CMYA5: variants seen among roughly 807,000 people sequenced by gnomAD.
CMYA5 encodes the protein cardiomyopathy associated 5, also known as cardiomyopathy-associated protein 5.
In CMYA5, 246 loss-of-function variants were observed where a neutral mutation model predicts 318.9. That is an observed-to-expected ratio of 0.77 (90% confidence interval 0.70 to 0.86). The LOEUF is 0.86. Among genes scored for constraint, CMYA5 ranks in the 40% least tolerant of loss-of-function variants. The probability of loss-of-function intolerance (pLI) is 0.00; values close to 1 mark genes in which losing one functional copy is unlikely to be tolerated. For synonymous variants in CMYA5, 1,641 were observed against 1,729.5 expected, an observed-to-expected ratio of 0.95 and a Z score of 1.27; for missense variants, 4,589 against 4,678.2, an observed-to-expected ratio of 0.98 and a Z score of 0.56.
intron 2 of CMYA5, among the ~76,000 whole-genome samples, chr5:79,742,144 C>A (rs1439337859): frequency 6.8e-6 from 1 of 146,408 alleles, no homozygotes; most frequent in African/African-American, 2.5e-5. Context: ...CCCCTTCTTC[C>A]TCCCCCTCTT....
chr5:79,799,744 T>G lies in CMYA5; in HGVS notation c.*128T>G. 2 of 1,245,124 alleles carry G rather than the reference T, an allele frequency of 1.6e-6. No homozygotes were observed. Among genetic ancestry groups the G allele is most frequent in the Non-Finnish European group, 1.1e-6 (1 of 919,808 alleles). 77.1% of individuals were successfully genotyped at this position (1,245,124 alleles called of 1,614,324 possible). A position where few individuals can be genotyped will look rare whatever the true frequency, so the allele number is the denominator to read the frequency against. ...TTTGCACTAATGATGGCTGCATGCATAGCAATCAGCATGTGAGCAAAATCG... is the reference window on the plus strand; with the variant it reads ...TTTGCACTAATGATGGCTGCATGCAGAGCAATCAGCATGTGAGCAAAATCG... On this transcript the variant is annotated 3_prime_UTR_variant, in exon 13 of 13. Transcript: ENST00000446378.
chr5:79,740,859 A>AT (rs148919782), intron 2 of CMYA5, among the ~76,000 whole-genome samples: 1 of 151,970 alleles, frequency 6.6e-6, no homozygotes, highest in South Asian at 2.1e-4. Flanking sequence ...GCCATGCACT[A>AT]TTTTTTTGTT....
chr5:79,700,913 G>A (rs1289220401), intron 1 of CMYA5, among the ~76,000 whole-genome samples: 1 of 151,882 alleles, frequency 6.6e-6, no homozygotes, highest in East Asian at 1.9e-4. Flanking sequence ...AGGGTAGCAG[G>A]GAGGCAGGGA....
rs370037835 is a variant in CMYA5, at chr5:79,739,033, T to C, written c.10268T>C (p.Phe3423Ser). 17 of 1,613,740 alleles carry C rather than the reference T, an allele frequency of 1.1e-5. No homozygotes were observed. Among genetic ancestry groups the C allele is most frequent in the Non-Finnish European group, 1.4e-5 (17 of 1,179,848 alleles). Residue 3423 changes from phenylalanine (F) to serine (S), a missense_variant, in exon 2 of 13, where the codon TTT (phenylalanine) becomes TCT (serine). By Grantham distance (155) the Phe-to-Ser change is radical. Around this residue, in one of 3 missense-constraint regions of CMYA5, gnomAD observed 2,431 missense variants for 2,495.1 expected, o/e 0.97. Coordinates refer to ENST00000446378, the MANE Select transcript of CMYA5 (RefSeq NM_153610.5). Reference sequence around the variant, plus strand: ...AGCCCTGTTCAGGATGAGTATGAATTTACAGAATCCCTGCATAATGAAGTG... The same window carrying C: ...AGCCCTGTTCAGGATGAGTATGAATCTACAGAATCCCTGCATAATGAAGTG... ...RNSPVQDEYE[F>S]TESLHNEVVP...
rs768242479 is a variant in CMYA5, at chr5:79,729,270, C to T, written c.505C>T (p.Pro169Ser). Residue 169 changes from proline to serine, a missense_variant, in exon 2 of 13, where the codon CCT becomes TCT. Pro to Ser is a moderately conservative substitution (Grantham distance 74). Coordinates refer to ENST00000446378, the MANE Select transcript of CMYA5 (RefSeq NM_153610.5). Reference sequence around the variant, plus strand: ...TGTTCCAACAAACAAAAAAGGCAGTCCTTTAACTTCAGCAAGCCAGGTACT... The same window carrying T: ...TGTTCCAACAAACAAAAAAGGCAGTTCTTTAACTTCAGCAAGCCAGGTACT... ...QDVPTNKKGSPLTSASQVLTT... is the reference protein window; with the variant it reads ...QDVPTNKKGSSLTSASQVLTT... 6.2e-7 allele frequency: 1 copy of T among 1,611,008 alleles called. No homozygotes were observed. The highest frequency in any genetic ancestry group is 2.2e-5 in the East Asian group (1 of 44,856).
At chr5:79,708,937 G>A (rs2151077700) in intron 1 of CMYA5, among the ~76,000 whole-genome samples, 1 of 152,236 alleles carries the variant, frequency 6.6e-6, no homozygotes, top group Middle Eastern at 3.4e-3. Context: ...GCAAGACCCT[G>A]TCTCAATTTT....
chr5:79,713,937 G>T (rs1242632056), intron 1 of CMYA5, among the ~76,000 whole-genome samples: 2 of 141,504 alleles, frequency 1.4e-5, no homozygotes, highest in Non-Finnish European at 3.1e-5. Context: ...ACATGTCTTA[G>T]TCACTCAATG....
intron 1 of CMYA5, among the ~76,000 whole-genome samples, chr5:79,709,959 T>G (rs1211676343): frequency 1.8e-4 from 1 of 5,572 alleles, no homozygotes; most frequent in Non-Finnish European, 2.5e-4. Context: ...AGACTCCATC[T>G]CAAAAAAAAA....
Position 79,735,309 on chromosome 5 carries a change from A to T in CMYA5, c.6544A>T (p.Met2182Leu). The change falls in exon 2 of 13, where the codon ATG (methionine) becomes TTG (leucine). Residue 2182 changes from methionine to leucine, a missense_variant. By Grantham distance (15) the Met-to-Leu change is conservative (BLOSUM62 2). Coordinates refer to ENST00000446378, the MANE Select transcript of CMYA5 (RefSeq NM_153610.5). ...AGGAATTTCATCTTTCAAATCGTGG[A>T]TGTCCAGCTTGTTTTTTGGATCGAG... is the stretch of plus-strand genomic sequence containing the variant. ...KKGISSFKSW[M>L]SSLFFGSSTP... The T allele has an allele frequency of 1.2e-6, 2 of 1,613,872 alleles. No homozygotes were observed. Among genetic ancestry groups the T allele is most frequent in the Non-Finnish European group, 8.5e-7 (1 of 1,179,844 alleles).
intron 6 of CMYA5, among the ~76,000 whole-genome samples, chr5:79,754,503 C>A (rs1254727297): frequency 1.3e-5 from 2 of 152,122 alleles, no homozygotes; most frequent in Admixed American, 1.3e-4. Context: ...CAAGAAAACA[C>A]AGCCGGTTGG....
At chr5:79,728,665 CTT>C (rs1288214634) in intron 1 of CMYA5, among the ~76,000 whole-genome samples, 2 of 151,992 alleles carry the variant, frequency 1.3e-5, no homozygotes, top group Non-Finnish European at 2.9e-5. Context: ...GTAAATTTAA[CTT>C]TAGCTTTTTT....
chr5:79,738,249 GA>G lies in CMYA5; in HGVS notation c.9486del (p.Gly3163GlufsTer55), dbSNP rs769298380. The G allele has an allele frequency of 6.2e-7, 1 of 1,613,704 alleles. No homozygotes were observed. Among genetic ancestry groups the G allele is most frequent in the Non-Finnish European group, 8.5e-7 (1 of 1,179,810 alleles). ...GGGGATGCCTTTATTTGAAGCAGAGGAAGGAGTTCTATCACGAACCCAGATA... is the reference window on the plus strand; with the variant it reads ...GGGGATGCCTTTATTTGAAGCAGAGGAGGAGTTCTATCACGAACCCAGATA... ...SPGMPLFEAE[E>X]GVLSRTQIFP... is the part of the protein sequence containing the mutation. On this transcript the variant is annotated frameshift_variant, in exon 2 of 13. Coordinates refer to ENST00000446378, the MANE Select transcript of CMYA5 (RefSeq NM_153610.5). LOFTEE classifies it high-confidence loss of function.
intron 1 of CMYA5, among the ~76,000 whole-genome samples, chr5:79,715,906 A>G (rs1040619506): frequency 1.3e-5 from 2 of 152,214 alleles, no homozygotes; most frequent in Non-Finnish European, 2.9e-5. Flanking sequence ...CATTGTGTCA[A>G]CCACTATAGT....
At chr5:79,701,076 C>T (rs150216111) in intron 1 of CMYA5, among the ~76,000 whole-genome samples, 1 of 107,116 alleles carries the variant, frequency 9.3e-6, no homozygotes, top group African/African-American at 3.6e-5. Context: ...GAAACCCCAT[C>T]TCTACTAAAA....
intron 9 of CMYA5, among the ~76,000 whole-genome samples, chr5:79,770,242 T>C (rs1828829127): frequency 6.6e-6 from 1 of 152,048 alleles, no homozygotes; most frequent in African/African-American, 2.4e-5. Flanking sequence ...GCTGGGCTCC[T>C]TGGGGGTGGG....
chr5:79,732,138 G>A lies in CMYA5; in HGVS notation c.3373G>A (p.Asp1125Asn). The A allele has an allele frequency of 6.2e-7, 1 of 1,613,950 alleles. No homozygotes were observed. The highest frequency in any genetic ancestry group is 8.5e-7 in the Non-Finnish European group (1 of 1,179,870). The change falls in exon 2 of 13, where the codon GAC becomes AAC. Residue 1125 changes from aspartate (D) to asparagine (N), a missense_variant. Asp to Asn is a conservative substitution (Grantham distance 23). Around this residue, in one of 3 missense-constraint regions of CMYA5, gnomAD observed 2,132 missense variants for 2,131.3 expected, o/e 1.00. Transcript: ENST00000446378. ...AGCATATTTAGAGCCTGAGTCTGAA[G>A]ACTTGATTCCTTCACATTTAACCAG... ...TQAYLEPESEDLIPSHLTSEV... is the reference protein window; with the variant it reads ...TQAYLEPESENLIPSHLTSEV...
At chr5:79,798,689 A>C (rs1010055419) in intron 12 of CMYA5, among the ~76,000 whole-genome samples, 1 of 152,162 alleles carries the variant, frequency 6.6e-6, no homozygotes, top group Non-Finnish European at 1.5e-5. Context: ...CATGTCCTTC[A>C]CATGCCCCAG....
At chr5:79,740,310 A>G (rs111816592) in intron 2 of CMYA5, among the ~76,000 whole-genome samples, 108 of 152,364 alleles carry the variant, frequency 7.1e-4, no homozygotes, top group Non-Finnish European at 1.1e-3. Flanking sequence ...ACACAGGGTC[A>G]CTGCCCTTGA....
intron 4 of CMYA5, among the ~76,000 whole-genome samples, chr5:79,746,333 C>T (rs1393020991): frequency 2.0e-5 from 3 of 152,066 alleles, no homozygotes; most frequent in Non-Finnish European, 4.4e-5. Flanking sequence ...ACAGCTCTTG[C>T]CAGGGCAAAT....
Sources: gnomAD v4.1 joint callset for allele counts (sites outside exome capture counted in the v4.1 genomes callset) on GRCh38, gnomAD v4.1.1 for gene constraint, gnomAD v4.1.1 regional missense constraint, MANE v1.5 for transcripts, NCBI Gene and HGNC (gene_info 2026-07-23, HGNC 2026-07-21) for gene names.